ROBO1: variants seen among roughly 807,000 people sequenced by gnomAD.
ROBO1 encodes the protein roundabout homolog 1.
In ROBO1, 149 loss-of-function variants were observed where a neutral mutation model predicts 195.9. That is an observed-to-expected ratio of 0.76 (90% CI 0.67 to 0.87). The LOEUF (loss-of-function observed/expected upper bound fraction) is 0.87. Ranked by LOEUF, ROBO1 falls within the 40% of genes least tolerant of loss-of-function variation. The pLI is 0.00. For missense variants in ROBO1, 1,933 were observed against 2,068.3 expected, an observed-to-expected ratio of 0.93 and a Z score of 1.27; for synonymous variants, 816 against 733.2, an observed-to-expected ratio of 1.11 and a Z score of -1.82.
intron 4 of ROBO1, among the ~76,000 whole-genome samples, chr3:78,825,804 A>C (rs546656143): frequency 6.6e-6 from 1 of 152,278 alleles, no homozygotes; most frequent in East Asian, 1.9e-4. Flanking sequence ...GTCATATAAA[A>C]TGTGCTGATA....
At chr3:79,740,712 G>C (rs1471530703) in intron 1 of ROBO1, among the ~76,000 whole-genome samples, 2 of 152,094 alleles carry the variant, frequency 1.3e-5, no homozygotes, top group Non-Finnish European at 2.9e-5. Context: ...TTGACATGTG[G>C]GGATTATTCT....
intron 2 of ROBO1, among the ~76,000 whole-genome samples, chr3:79,286,416 C>T (rs538094119): frequency 6.6e-6 from 1 of 152,284 alleles, no homozygotes; most frequent in East Asian, 1.9e-4. Context: ...AAGAGACAGC[C>T]TGTGGAAATG....
chr3:79,111,479 G>A (rs540567358), intron 3 of ROBO1, among the ~76,000 whole-genome samples: 1 of 152,134 alleles, frequency 6.6e-6, no homozygotes, highest in African/African-American at 2.4e-5. Flanking sequence ...GACCTGCCTC[G>A]CTTTGGGAAC....
At chr3:79,723,113 T>C (rs899528318) in intron 1 of ROBO1, among the ~76,000 whole-genome samples, 1 of 152,194 alleles carries the variant, frequency 6.6e-6, no homozygotes, top group Non-Finnish European at 1.5e-5. Context: ...GAAAGCACAG[T>C]CTACACCAAT....
intron 4 of ROBO1, among the ~76,000 whole-genome samples, chr3:78,873,929 A>T (rs2035691171): frequency 2.0e-5 from 3 of 152,060 alleles, no homozygotes; most frequent in African/African-American, 7.2e-5. Flanking sequence ...GAAATCAAGC[A>T]ACTTGTCTAA....
At chr3:79,693,512 C>T (rs985502113) in intron 1 of ROBO1, among the ~76,000 whole-genome samples, 1 of 151,622 alleles carries the variant, frequency 6.6e-6, no homozygotes, top group African/African-American at 2.4e-5. Flanking sequence ...TCATAGCTCA[C>T]TGTAACCTTG....
In ROBO1 at chr3:79,450,778, T is replaced by C. The variant is rs919442164; in HGVS notation, c.88+139046A>G. On this transcript the variant is annotated intron_variant, in intron 2 of 30. Coordinates refer to ENST00000464233, the MANE Select transcript of ROBO1 (RefSeq NM_002941.4). ...ATATTAACACTCTAACATTCTATAA[T>C]ACCCTGAATTTCATTTTTTGACAAC... 9.2e-5 allele frequency among the ~76,000 whole-genome samples: 14 copies of C among 151,932 alleles called. 1 individual carries two copies. Among genetic ancestry groups the C allele is most frequent in the Non-Finnish European group, 1.5e-5 (1 of 67,898 alleles).
chr3:79,411,364 T>A, intron 2 of ROBO1, among the ~76,000 whole-genome samples: 1 of 152,160 alleles, frequency 6.6e-6, no homozygotes, highest in Non-Finnish European at 1.5e-5. Flanking sequence ...ATTGTGGAGG[T>A]ATTGCATTTC....
At chr3:79,542,989 G>A (rs1378411024) in intron 2 of ROBO1, among the ~76,000 whole-genome samples, 2 of 151,924 alleles carry the variant, frequency 1.3e-5, no homozygotes. Context: ...CATAATGATT[G>A]TATATGACAA....
intron 2 of ROBO1, among the ~76,000 whole-genome samples, chr3:79,535,894 T>G (rs911846268): frequency 6.6e-6 from 1 of 152,108 alleles, no homozygotes; most frequent in East Asian, 1.9e-4. Flanking sequence ...TTTTTTTTGT[T>G]TGTTTGTTTT....
intron 2 of ROBO1, among the ~76,000 whole-genome samples, chr3:79,550,190 A>G (rs1410369341): frequency 9.8e-6 from 1 of 101,658 alleles, no homozygotes; most frequent in Non-Finnish European, 2.0e-5. Flanking sequence ...AAAGAAAGAA[A>G]GAAAGGAAAA....
At chr3:78,781,713 T>G (rs1295299495) in intron 4 of ROBO1, among the ~76,000 whole-genome samples, 1 of 150,012 alleles carries the variant, frequency 6.7e-6, no homozygotes, top group Non-Finnish European at 1.5e-5. Flanking sequence ...CTAGAGTGAG[T>G]GAACAACATT....
intron 1 of ROBO1, among the ~76,000 whole-genome samples, chr3:79,693,296 A>T (rs897917114): frequency 3.3e-5 from 5 of 151,912 alleles, no homozygotes; most frequent in African/African-American, 9.7e-5. Flanking sequence ...TAAAACAAAG[A>T]CAGGAAATGT....
chr3:78,706,790 G>A (rs1056243725), intron 8 of ROBO1, among the ~76,000 whole-genome samples: 5 of 152,138 alleles, frequency 3.3e-5, no homozygotes, highest in African/African-American at 1.2e-4. Flanking sequence ...GGTGGTGAGA[G>A]AGTTGAGAAA....
At chr3:79,437,048 C>T (rs77016383) in intron 2 of ROBO1, among the ~76,000 whole-genome samples, 2 of 151,972 alleles carry the variant, frequency 1.3e-5, no homozygotes, top group South Asian at 4.1e-4. Context: ...AAACATGCAT[C>T]GTAACGGTTA....
intron 3 of ROBO1, among the ~76,000 whole-genome samples, chr3:78,996,639 T>C (rs1295042522): frequency 2.0e-5 from 3 of 152,024 alleles, no homozygotes; most frequent in African/African-American, 7.2e-5. Flanking sequence ...TCAATAAAAA[T>C]CAATGCAGAA....
intron 4 of ROBO1, among the ~76,000 whole-genome samples, chr3:78,928,199 G>A (rs1435203434): frequency 6.6e-6 from 1 of 152,128 alleles, no homozygotes; most frequent in Non-Finnish European, 1.5e-5. Flanking sequence ...TTGACTTAAT[G>A]ACAGAATTAA....
At chr3:78,650,112 C>T (rs955916114) in intron 19 of ROBO1, among the ~76,000 whole-genome samples, 1 of 152,000 alleles carries the variant, frequency 6.6e-6, no homozygotes, top group Non-Finnish European at 1.5e-5. Flanking sequence ...ACATCTTCTA[C>T]CCCAAACACC....
intron 4 of ROBO1, among the ~76,000 whole-genome samples, chr3:78,862,542 G>A (rs1487072897): frequency 6.6e-6 from 1 of 152,090 alleles, no homozygotes; most frequent in African/African-American, 2.4e-5. Context: ...TGCTAAATTT[G>A]TGGCAATTTG....
Sources: gnomAD v4.1 joint callset for allele counts (sites outside exome capture counted in the v4.1 genomes callset) on GRCh38, gnomAD v4.1.1 for gene constraint, MANE v1.5 for transcripts, NCBI Gene and HGNC (gene_info 2026-07-23, HGNC 2026-07-21) for gene names.